Variants in KIAA0232 observed in about 807,000 individuals in gnomAD.
KIAA0232 encodes uncharacterized protein KIAA0232.
A neutral mutation model predicts 122.0 loss-of-function variants in KIAA0232; 27 were observed. The observed-to-expected ratio is 0.22, with a 90% confidence interval of 0.16 to 0.31. KIAA0232 has a LOEUF of 0.31. Ranked by LOEUF, KIAA0232 falls within the 10% of genes least tolerant of loss-of-function variation. The probability of loss-of-function intolerance (pLI) is 1.00; values close to 1 mark genes in which losing one functional copy is unlikely to be tolerated. For synonymous variants in KIAA0232, 613 were observed against 587.6 expected (o/e 1.04, Z -0.63); for missense variants, 1,551 against 1,634.2 (o/e 0.95, Z 0.88).
At chr4:6,865,853 C>T (rs78312461) in intron 7 of KIAA0232, among the ~76,000 whole-genome samples, 222 of 152,330 alleles carry the variant, frequency 1.5e-3, no homozygotes, top group Middle Eastern at 0.01. Context: ...AATTTTCATG[C>T]ACTTTATGCC....
intron 2 of KIAA0232, among the ~76,000 whole-genome samples, chr4:6,805,459 T>G (rs972754568): frequency 6.6e-6 from 1 of 152,204 alleles, no homozygotes; most frequent in African/African-American, 2.4e-5. Context: ...CTTACCTAAG[T>G]CCGTTTTGGA....
chr4:6,879,884 A>G (rs1721974067), intron 9 of KIAA0232, among the ~76,000 whole-genome samples: 1 of 137,942 alleles, frequency 7.2e-6, no homozygotes, highest in African/African-American at 2.7e-5. Flanking sequence ...ACAGGTCTGC[A>G]GTGTCCCCTC....
chr4:6,847,074 G>T (rs972585883), intron 4 of KIAA0232, among the ~76,000 whole-genome samples: 1 of 151,812 alleles, frequency 6.6e-6, no homozygotes, highest in African/African-American at 2.4e-5. Context: ...AATAATATAG[G>T]TTATATTATT....
intron 3 of KIAA0232, among the ~76,000 whole-genome samples, chr4:6,833,877 A>T (rs1361251737): frequency 1.3e-5 from 2 of 152,086 alleles, no homozygotes; most frequent in African/African-American, 4.8e-5. Flanking sequence ...TACCACCTTG[A>T]CTTTTATCCC....
intron 3 of KIAA0232, among the ~76,000 whole-genome samples, chr4:6,837,297 C>T (rs887039250): frequency 1.3e-5 from 2 of 151,796 alleles, no homozygotes; most frequent in Non-Finnish European, 2.9e-5. Flanking sequence ...CAGAGACGCT[C>T]CTCAGTTCCC....
In KIAA0232 at chr4:6,861,066, A is replaced by C. The variant is rs2108796506; in HGVS notation, c.684A>C (p.Glu228Asp). ...DTSSPKDCNS[E>D]SEVTKERSSE... Reference sequence around the variant, plus strand: ...CCTCTCCTAAGGACTGCAACAGTGAAAGTGAAGTCACCAAGGAAAGAAGCA... The same window carrying C: ...CCTCTCCTAAGGACTGCAACAGTGACAGTGAAGTCACCAAGGAAAGAAGCA... The change falls in exon 7 of 10, where the codon GAA becomes GAC. Residue 228 changes from glutamate to aspartate, a missense_variant. By Grantham distance (45) the Glu-to-Asp change is conservative. Coordinates refer to ENST00000307659, the MANE Select transcript of KIAA0232 (RefSeq NM_014743.3). 1.2e-6 allele frequency: 2 copies of C among 1,614,218 alleles called. No homozygotes were observed. Among genetic ancestry groups the C allele is most frequent in the Non-Finnish European group, 1.7e-6 (2 of 1,180,034 alleles).
At chr4:6,821,418 T>C (rs935618057) in intron 2 of KIAA0232, among the ~76,000 whole-genome samples, 5 of 152,134 alleles carry the variant, frequency 3.3e-5, no homozygotes, top group Non-Finnish European at 7.3e-5. Context: ...GGTATCATTC[T>C]TATGCCTTTG....
At chr4:6,797,380 G>T (rs1717175984) in intron 1 of KIAA0232, among the ~76,000 whole-genome samples, 1 of 152,208 alleles carries the variant, frequency 6.6e-6, no homozygotes, top group East Asian at 1.9e-4. Context: ...CTCCAGGCCT[G>T]TTGGGACAGT....
chr4:6,803,488 C>T (rs958321087), intron 1 of KIAA0232, among the ~76,000 whole-genome samples: 14 of 152,000 alleles, frequency 9.2e-5, no homozygotes, highest in Non-Finnish European at 1.6e-4. Context: ...CCAGTAGTTA[C>T]GTAGTTACTG....
chr4:6,842,305 GTACTTATTTATT>G, intron 4 of KIAA0232, 101 bp downstream of exon 4: 1 of 1,163,374 alleles, frequency 8.6e-7, no homozygotes, highest in Non-Finnish European at 1.2e-6. Context: ...GGAAAACAAA[GTACTTATTTATT>G]TTACCAAGTA....
intron 3 of KIAA0232, 99 bp downstream of exon 3, chr4:6,824,783 ATG>A (rs1718591117): frequency 2.0e-6 from 2 of 988,974 alleles, no homozygotes; most frequent in Admixed American, 2.1e-5. Flanking sequence ...TGAGCTATTC[ATG>A]TGTGTGTGCA....
chr4:6,787,928 A>G (rs1216664558), intron 1 of KIAA0232, among the ~76,000 whole-genome samples: 3 of 151,760 alleles, frequency 2.0e-5, no homozygotes, highest in African/African-American at 7.3e-5. Context: ...GTGCTACCAC[A>G]CTCCTCCCCT....
At position 6,882,107 on chromosome 4, in the gene KIAA0232, C is replaced by G. The variant is rs1722105124; in HGVS notation, c.*1141C>G. The stretch of plus-strand genomic sequence containing the variant: ...TGGTGAGCCCGGGGAGCCGGCGCAT[C>G]TTGTGAGTCGCGTCTGTGCATGGCG... On this transcript the variant is annotated 3_prime_UTR_variant, in exon 10 of 10. Transcript: ENST00000307659. 6.6e-6 allele frequency: 1 copy of G among 152,526 alleles called. No individual in the cohort carries two copies. Among genetic ancestry groups the G allele is most frequent in the Non-Finnish European group, 1.5e-5 (1 of 68,050 alleles). The allele number at this position is 152,526 out of a possible 1,614,324, so 9.4% of individuals were successfully genotyped here.
Position 6,800,043 on chromosome 4 carries a change from C to CTTTTTTTT in KIAA0232, c.-353-4455_-353-4448dup, listed in dbSNP as rs752428517. On this transcript the variant is annotated intron_variant, in intron 1 of 9. Coordinates refer to ENST00000307659, the MANE Select transcript of KIAA0232 (RefSeq NM_014743.3). The stretch of plus-strand genomic sequence containing the variant: ...TTTCTTTTTCTTTCTTTCTTTCTTT[C>CTTTTTTTT]TTTTTTTTTTTTTTTTTTTTTTTTT... Among the ~76,000 whole-genome samples, 485 of 59,982 alleles carry CTTTTTTTT rather than the reference C, an allele frequency of 8.1e-3. 62 individuals are homozygous for CTTTTTTTT. The highest frequency in any genetic ancestry group is 0.01 in the Non-Finnish European group (282 of 28,070). 39.4% of individuals were successfully genotyped at this position (59,982 alleles called of 152,430 possible). A position where few individuals can be genotyped will look rare whatever the true frequency, so the allele number is the denominator to read the frequency against.
chr4:6,789,769 A>G (rs931099810), intron 1 of KIAA0232, among the ~76,000 whole-genome samples: 3 of 152,200 alleles, frequency 2.0e-5, no homozygotes, highest in Non-Finnish European at 4.4e-5. Context: ...TGGCTTGCCT[A>G]TAATTCCAGC....
chr4:6,882,657 C>T lies in KIAA0232; in HGVS notation c.*1691C>T, dbSNP rs569420348. 4.6e-3 allele frequency: 705 copies of T among 151,998 alleles called. 10 individuals carry two copies. The highest frequency in any genetic ancestry group is 0.041 in the South Asian group (199 of 4,804). 9.4% of individuals were successfully genotyped at this position (151,998 alleles called of 1,614,324 possible). On this transcript the variant is annotated 3_prime_UTR_variant, in exon 10 of 10. Transcript: ENST00000307659. ...GTGTGTGTGTGTGTGTGCGCGCGTG[C>T]GCGCGCGCATGTGTAAGGTTTTATG...
intron 1 of KIAA0232, among the ~76,000 whole-genome samples, chr4:6,794,347 T>C (rs1199617150): frequency 6.6e-6 from 1 of 152,238 alleles, no homozygotes; most frequent in Non-Finnish European, 1.5e-5. Context: ...GTGTCAGTGC[T>C]GTTGTGGTTC....
chr4:6,790,289 G>C (rs1716832807), intron 1 of KIAA0232, among the ~76,000 whole-genome samples: 16 of 151,434 alleles, frequency 1.1e-4, no homozygotes, highest in Admixed American at 1.1e-3. Flanking sequence ...GAGAAGATAG[G>C]GAAAACCAGC....
At chr4:6,845,081 T>C (rs1357927048) in intron 4 of KIAA0232, among the ~76,000 whole-genome samples, 1 of 152,214 alleles carries the variant, frequency 6.6e-6, no homozygotes, top group African/African-American at 2.4e-5. Context: ...CTTTAGCACA[T>C]AGTGAAGAAT....
Sources: gnomAD v4.1 joint callset for allele counts (sites outside exome capture counted in the v4.1 genomes callset) on GRCh38, gnomAD v4.1.1 for gene constraint, MANE v1.5 for transcripts, NCBI Gene and HGNC (gene_info 2026-07-23, HGNC 2026-07-21) for gene names.